RBFOX3: variants seen among roughly 807,000 people sequenced by gnomAD.
The protein encoded by RBFOX3 is RNA binding fox-1 homolog 3.
A neutral mutation model predicts 48.7 loss-of-function variants in RBFOX3; 17 were observed. The observed-to-expected ratio is 0.35, with a 90% CI of 0.24 to 0.52. The LOEUF (loss-of-function observed/expected upper bound fraction) is 0.52. Among genes scored for constraint, RBFOX3 ranks in the 20% least tolerant of loss-of-function variants. The probability of loss-of-function intolerance (pLI) is 0.94; values close to 1 mark genes in which losing one functional copy is unlikely to be tolerated. For synonymous variants in RBFOX3, 212 were observed against 209.5 expected (o/e 1.01, Z -0.10); for missense variants, 382 against 497.5 (o/e 0.77, Z 2.21).
intron 4 of RBFOX3, among the ~76,000 whole-genome samples, chr17:79,211,213 G>A (rs746533332): frequency 1.3e-5 from 2 of 152,222 alleles, no homozygotes; most frequent in African/African-American, 2.4e-5. Context: ...GGCCCGATGC[G>A]GGCTGGTCTG....
At position 79,480,185 on chromosome 17, in the gene RBFOX3, G is replaced by A. The variant is rs1403383864; in HGVS notation, c.-175+2269C>T. ...GCTGCTTCTCTGTCCCATACAGGCT[G>A]GGGTGTGTGGCCTTCCTATCTGGGC... is the stretch of plus-strand genomic sequence containing the variant. On this transcript the variant is annotated intron_variant, in intron 2 of 14. Transcript: ENST00000693108. The surrounding 1 kb of genome is among the most constrained non-coding windows in gnomAD (Gnocchi z 4.8). Among the ~76,000 whole-genome samples the A allele has an allele frequency of 6.6e-6, 1 of 152,172 alleles. No individual in the cohort carries two copies. Among genetic ancestry groups the A allele is most frequent in the Admixed American group, 6.5e-5 (1 of 15,286 alleles).
chr17:79,342,363 CT>C (rs2082239512), intron 2 of RBFOX3, among the ~76,000 whole-genome samples: 1 of 152,138 alleles, frequency 6.6e-6, no homozygotes, highest in East Asian at 1.9e-4. Context: ...TTGTTTTTTT[CT>C]CCTTTTGGCT....
At chr17:79,170,406 G>A (rs922806446) in intron 4 of RBFOX3, among the ~76,000 whole-genome samples, 2 of 152,140 alleles carry the variant, frequency 1.3e-5, no homozygotes, top group African/African-American at 2.4e-5. Context: ...TGGAGCCTGA[G>A]GGAGGGCTCC....
the RBFOX3 span, among the ~76,000 whole-genome samples, chr17:79,658,162 TA>T: frequency 6.6e-6 from 1 of 152,076 alleles, no homozygotes; most frequent in African/African-American, 2.4e-5. Context: ...GCAGTGCCCA[TA>T]AAAGAAAGAA....
At chr17:79,112,998 G>A (rs2032574429) in intron 5 of RBFOX3, among the ~76,000 whole-genome samples, 1 of 151,506 alleles carries the variant, frequency 6.6e-6, no homozygotes, top group African/African-American at 2.4e-5. Flanking sequence ...GAGTGCCCCG[G>A]GAGCTCAGGA....
chr17:79,169,476 A>T (rs981581053), intron 4 of RBFOX3, among the ~76,000 whole-genome samples: 2 of 151,536 alleles, frequency 1.3e-5, no homozygotes, highest in Non-Finnish European at 2.9e-5. Context: ...AAGATCACAC[A>T]CCCCACCCAG....
rs1418372844 is a variant in RBFOX3, at chr17:79,479,028, C to T, written c.-175+3426G>A. Among the ~76,000 whole-genome samples the T allele has an allele frequency of 2.0e-5, 3 of 152,164 alleles. No individual in the cohort carries two copies. The highest frequency in any genetic ancestry group is 6.5e-5 in the Admixed American group (1 of 15,288). ...GCCTGCAGTGATGGGGAGTCTCGGT[C>T]GAAGGGCTCCTTGCCAAGGCCATTC... On this transcript the variant is annotated intron_variant, in intron 2 of 14. Transcript: ENST00000693108. This position sits in a 1 kb window ranked among gnomAD's most constrained non-coding sequence, Gnocchi z 5.1.
intron 2 of RBFOX3, among the ~76,000 whole-genome samples, chr17:79,314,038 G>A (rs2077202865): frequency 6.6e-6 from 1 of 152,216 alleles, no homozygotes; most frequent in Non-Finnish European, 1.5e-5. Flanking sequence ...GCAGCGAGTG[G>A]TCACAGCCCC....
chr17:79,219,074 C>A (rs1001140836), intron 4 of RBFOX3, among the ~76,000 whole-genome samples: 1 of 152,230 alleles, frequency 6.6e-6, no homozygotes, highest in Non-Finnish European at 1.5e-5. Flanking sequence ...GGCACCTGTG[C>A]GGGGTCAGGC....
At chr17:79,368,841 G>A (rs1466750754) in intron 2 of RBFOX3, among the ~76,000 whole-genome samples, 1 of 152,232 alleles carries the variant, frequency 6.6e-6, no homozygotes, top group Non-Finnish European at 1.5e-5. Flanking sequence ...TGAACTTTAA[G>A]GGCCAACGAT....
chr17:79,522,575 C>T (rs2150005894), intron 1 of RBFOX3, among the ~76,000 whole-genome samples: 1 of 152,222 alleles, frequency 6.6e-6, no homozygotes, highest in East Asian at 1.9e-4. Flanking sequence ...CCGACACACA[C>T]ACCACCTCTC....
At position 79,440,940 on chromosome 17, in the gene RBFOX3, G is replaced by A. The variant is rs74002506; in HGVS notation, c.-175+41514C>T. Among the ~76,000 whole-genome samples, 1,398 of 152,322 alleles carry A rather than the reference G, an allele frequency of 9.2e-3. 23 individuals carry two copies. Among genetic ancestry groups the A allele is most frequent in the African/African-American group, 0.032 (1,331 of 41,566 alleles). ...AGGCCCAGCCCTCGCACGGTGAGTC[G>A]GAACCAGATCAGAGACATGCATAGT... is the stretch of plus-strand genomic sequence containing the variant. On this transcript the variant is annotated intron_variant, in intron 2 of 14. Transcript: ENST00000693108.
intron 2 of RBFOX3, among the ~76,000 whole-genome samples, chr17:79,431,708 C>T (rs1159332037): frequency 1.3e-5 from 2 of 152,218 alleles, no homozygotes; most frequent in Non-Finnish European, 2.9e-5. Flanking sequence ...TGGTCTCGAA[C>T]TCCTGACCTC....
chr17:79,526,454 G>C (rs1211706038), intron 1 of RBFOX3, among the ~76,000 whole-genome samples: 2 of 152,222 alleles, frequency 1.3e-5, no homozygotes, highest in Non-Finnish European at 2.9e-5. Flanking sequence ...TTTCTGCAAG[G>C]CTGTGCCTCC....
At chr17:79,335,493 G>T (rs1226747478) in intron 2 of RBFOX3, among the ~76,000 whole-genome samples, 1 of 152,164 alleles carries the variant, frequency 6.6e-6, no homozygotes, top group Non-Finnish European at 1.5e-5. Context: ...GCTGAGGTCC[G>T]ACACTTGGCC....
chr17:79,171,985 C>T (rs546453400), intron 4 of RBFOX3, among the ~76,000 whole-genome samples: 2 of 152,012 alleles, frequency 1.3e-5, no homozygotes, highest in East Asian at 1.9e-4. Flanking sequence ...ACCAGCCTGG[C>T]CAACATGGTG....
chr17:79,458,765 G>A (rs117760443), intron 2 of RBFOX3, among the ~76,000 whole-genome samples: 5,263 of 152,142 alleles, frequency 0.035, 124 homozygotes, highest in South Asian at 0.054. Flanking sequence ...GCAAATCAGG[G>A]AGAGAATAAG....
At chr17:79,589,098 A>G (rs1426660928) in intron 1 of RBFOX3, among the ~76,000 whole-genome samples, 5 of 152,250 alleles carry the variant, frequency 3.3e-5, no homozygotes, top group Admixed American at 1.3e-4. Context: ...AGGGCATAGC[A>G]GTGCTCAAGG....
intron 4 of RBFOX3, among the ~76,000 whole-genome samples, chr17:79,206,095 A>G (rs917565868): frequency 6.6e-6 from 1 of 152,144 alleles, no homozygotes; most frequent in Non-Finnish European, 1.5e-5. Flanking sequence ...AGAGGGTGCG[A>G]GGTAAAGCCT....
Sources: allele counts gnomAD v4.1 joint callset (sites outside exome capture counted in the v4.1 genomes callset), GRCh38; gene constraint gnomAD v4.1.1; non-coding constraint Gnocchi (gnomAD v3.1); transcripts MANE v1.5; gene names NCBI Gene and HGNC (gene_info 2026-07-23, HGNC 2026-07-21).